Variants in KRT1 observed in about 807,000 individuals in gnomAD.
KRT1 encodes the protein keratin 1.
Under a neutral mutation model 51.6 loss-of-function variants are expected in KRT1, and 28 were observed. The ratio of observed to expected loss-of-function variants is 0.54; its 90% confidence interval spans 0.40 to 0.74. The LOEUF is 0.74. Among genes scored for constraint, KRT1 ranks in the 30% least tolerant of loss-of-function variants. The pLI, the probability that KRT1 is intolerant of heterozygous loss-of-function variation, is 0.00. For missense variants in KRT1, 783 were observed against 815.5 expected, an observed-to-expected ratio of 0.96 and a Z score of 0.49; for synonymous variants, 301 against 307.7, an observed-to-expected ratio of 0.98 and a Z score of 0.23.
In KRT1 at chr12:52,678,752, C is replaced by G. The variant is rs755344168; in HGVS notation, c.596G>C (p.Arg199Thr). 1 of 1,613,780 alleles carries G rather than the reference C, an allele frequency of 6.2e-7. No individual in the cohort carries two copies. Among genetic ancestry groups the G allele is most frequent in the Non-Finnish European group, 8.5e-7 (1 of 1,179,950 alleles). The stretch of plus-strand genomic sequence containing the variant: ...TACCTGGTTCTGCTGCTCCAGGAAC[C>G]TCACCTAAAAACACAAGACCCCTTT... ...NQFASFIDKV[R>T]FLEQQNQVLQ... The change falls in exon 2 of 9, where the codon AGG becomes ACG. Residue 199 changes from arginine (R) to threonine (T), a missense_variant. Transcript: ENST00000252244.
At chr12:52,678,808 C>G in intron 1 of KRT1, 52 bp from the exon 2 acceptor site, 1 of 1,505,698 alleles carries the variant, frequency 6.6e-7, no homozygotes, top group Non-Finnish European at 9.2e-7. Flanking sequence ...GTCTCATAGC[C>G]ATGGAGAACT....
Position 52,675,307 on chromosome 12 carries a change from C to T in KRT1, c.1821G>A (p.Gly607=). Residue 607 remains glycine, a synonymous_variant, in exon 9 of 9, where the codon GGG becomes GGA. Coordinates refer to ENST00000252244, the MANE Select transcript of KRT1 (RefSeq NM_006121.4). ...GSSGGRGSGG[G]SSGGSIGGRG... ...GGCCTCCTATGGAGCCTCCAGAGCT[C>T]CCGCCGCCAGAGCCCCGGCCGCCAG... is the stretch of plus-strand genomic sequence containing the variant. The T allele has an allele frequency of 2.5e-6, 4 of 1,612,798 alleles. No homozygotes were observed. Among genetic ancestry groups the T allele is most frequent in the South Asian group, 1.1e-5 (1 of 90,788 alleles).
chr12:52,675,061 A>G lies in KRT1; in HGVS notation c.*132T>C, dbSNP rs1941479077. ...GCAGAAAAGAAAGAGCTGGGGGAAT[A>G]GGATGAGCTAGTGTAACTAACCATA... is the stretch of plus-strand genomic sequence containing the variant. On this transcript the variant is annotated 3_prime_UTR_variant, in exon 9 of 9. Transcript: ENST00000252244. 1 of 1,151,226 alleles carries G rather than the reference A, an allele frequency of 8.7e-7. No homozygotes were observed. Among genetic ancestry groups the G allele is most frequent in the South Asian group, 1.2e-5 (1 of 81,088 alleles). The allele number at this position is 1,151,226 out of a possible 1,614,324, so 71.3% of individuals were successfully genotyped here.
chr12:52,678,318 T>C, intron 2 of KRT1, 95 bp from the exon 3 acceptor site: 1 of 1,278,650 alleles, frequency 7.8e-7, no homozygotes, highest in Admixed American at 1.8e-5. Flanking sequence ...TCACTGCCTT[T>C]CTATTATGAA....
At position 52,680,033 on chromosome 12, in the gene KRT1, C is replaced by A; in HGVS notation, c.316G>T (p.Gly106Cys). The change falls in exon 1 of 9, where the codon GGT (glycine) becomes TGT (cysteine). Residue 106 changes from glycine to cysteine, a missense_variant. Gly to Cys is a radical substitution (Grantham distance 159). Coordinates refer to ENST00000252244, the MANE Select transcript of KRT1 (RefSeq NM_006121.4). Reference protein sequence around the residue: ...GGGFGGGGFGGGGFGGGGIGG... With the variant: ...GGGFGGGGFGCGGFGGGGIGG... ...ATGCCACCTCCACCAAAGCCACCAC[C>A]ACCAAAGCCACCACCACCAAAGCCA... The A allele has an allele frequency of 6.4e-7, 1 of 1,557,612 alleles. No individual in the cohort carries two copies. Among genetic ancestry groups the A allele is most frequent in the South Asian group, 1.2e-5 (1 of 85,352 alleles).
At position 52,677,738 on chromosome 12, in the gene KRT1, T is replaced by A. The variant is rs1351416321; in HGVS notation, c.875A>T (p.Asp292Val). The change falls in exon 4 of 9, where the codon GAT (aspartate) becomes GTT (valine). Residue 292 changes from aspartate to valine, a missense_variant. Physicochemically the swap from Asp to Val is radical, Grantham distance 152. Transcript: ENST00000252244. ...GTCCACCTTGGTCATATAAGCACCA[T>A]CCACATCCTAGAGGAACAAGGGACA... ...NEFVTIKKDV[D>V]GAYMTKVDLQ... 1 of 1,614,008 alleles carries A rather than the reference T, an allele frequency of 6.2e-7. No homozygotes were observed. Among genetic ancestry groups the A allele is most frequent in the Non-Finnish European group, 8.5e-7 (1 of 1,179,932 alleles).
Position 52,675,627 on chromosome 12 carries a change from G to A in KRT1, c.1511-10C>T, listed in dbSNP as rs561592908. On this transcript the variant is annotated splice_polypyrimidine_tract_variant and intron_variant, in intron 8 of 8. Coordinates refer to ENST00000252244, the MANE Select transcript of KRT1 (RefSeq NM_006121.4). ...TGGCTTGTGCTCACAGCTGCAAGAGGAAGCTCAGTTATTTTCAACCTCAAC... is the reference window on the plus strand; with the variant it reads ...TGGCTTGTGCTCACAGCTGCAAGAGAAAGCTCAGTTATTTTCAACCTCAAC... 2 of 1,614,176 alleles carry A rather than the reference G, an allele frequency of 1.2e-6. No individual in the cohort carries two copies. Among genetic ancestry groups the A allele is most frequent in the South Asian group, 2.2e-5 (2 of 91,082 alleles).
At chr12:52,677,863 G>C in intron 3 of KRT1, 118 bp from the exon 4 acceptor site, 1 of 884,864 alleles carries the variant, frequency 1.1e-6, no homozygotes, top group African/African-American at 1.6e-5. Context: ...ACTCCTTTTT[G>C]CCCCAGGTAA....
Position 52,675,240 on chromosome 12 carries a change from A to T in KRT1, c.1888T>A (p.Ser630Thr). ...GTGGTAGAAACAAACTTCACGCTGG[A>T]ACTGCCACCAGAGGACTTGACACCC... is the stretch of plus-strand genomic sequence containing the variant. ...SGGVKSSGGS[S>T]SVKFVSTTYS... Residue 630 changes from serine to threonine, a missense_variant, in exon 9 of 9, where the codon TCC becomes ACC. By Grantham distance (58) the Ser-to-Thr change is moderately conservative. Transcript: ENST00000252244. 1 of 1,613,920 alleles carries T rather than the reference A, an allele frequency of 6.2e-7. No individual in the cohort carries two copies. Among genetic ancestry groups the T allele is most frequent in the Admixed American group, 1.7e-5 (1 of 60,032 alleles).
intron 7 of KRT1, 98 bp from the exon 8 acceptor site, chr12:52,675,842 G>T: frequency 7.2e-7 from 1 of 1,391,092 alleles, no homozygotes; most frequent in Non-Finnish European, 1.0e-6. Flanking sequence ...CCCCATCTGG[G>T]TCTTCTCCAA....
intron 1 of KRT1, 128 bp from the exon 2 acceptor site, chr12:52,678,884 T>C (rs1436192773): frequency 8.1e-6 from 7 of 867,034 alleles, no homozygotes; most frequent in South Asian, 7.2e-5. Context: ...AGGAAGAAGA[T>C]GATCAAGTTA....
intron 1 of KRT1, among the ~76,000 whole-genome samples, chr12:52,679,306 T>G (rs1337860300): frequency 6.6e-6 from 1 of 152,194 alleles, no homozygotes; most frequent in Non-Finnish European, 1.5e-5. Context: ...AGCTCCCCTC[T>G]GACAGCAAAA....
chr12:52,675,999 T>G (rs1941497550), intron 7 of KRT1, among the ~76,000 whole-genome samples: 1 of 152,182 alleles, frequency 6.6e-6, no homozygotes, highest in South Asian at 2.1e-4. Flanking sequence ...AGATGCCGAC[T>G]TTAGGCCAGC....
At position 52,675,164 on chromosome 12, in the gene KRT1, C is replaced by G. The variant is rs751354477; in HGVS notation, c.*29G>C. On this transcript the variant is annotated 3_prime_UTR_variant, in exon 9 of 9. Coordinates refer to ENST00000252244, the MANE Select transcript of KRT1 (RefSeq NM_006121.4). ...ATTTGTTAGTGATGCTGGGGGAGAA[C>G]TAGAGCTAATGAAACAGAGGGCATC... is the stretch of plus-strand genomic sequence containing the variant. 3.1e-6 allele frequency: 5 copies of G among 1,612,260 alleles called. No homozygotes were observed. Among genetic ancestry groups the G allele is most frequent in the Admixed American group, 1.7e-5 (1 of 60,024 alleles).
At position 52,680,330 on chromosome 12, in the gene KRT1, AACTAAACTGTCG is replaced by A. The variant is rs753562993; in HGVS notation, c.7_18del (p.Arg3_Ser6del). The A allele has an allele frequency of 1.9e-5, 30 of 1,614,150 alleles. No homozygotes were observed. In the East Asian group the frequency reaches 6.5e-4, roughly 35 times the overall value. ...CCTCCACTTCGGTACCCAGACCTGG[AACTAAACTGTCG>A]ACTCATGTTGACTTAGAGAAAAGTA... On this transcript the variant is annotated inframe_deletion, in exon 1 of 9. Transcript: ENST00000252244.
At chr12:52,675,774 G>T in intron 7 of KRT1, 30 bp from the exon 8 acceptor site, 1 of 1,613,222 alleles carries the variant, frequency 6.2e-7, no homozygotes, top group South Asian at 1.1e-5. Flanking sequence ...AATTCCTCAG[G>T]ACACTCCAGC....
chr12:52,677,471 G>C lies in KRT1; in HGVS notation c.973C>G (p.Gln325Glu). Residue 325 changes from glutamine (Q) to glutamate (E), a missense_variant, in exon 5 of 9, where the codon CAG becomes GAG. Gln to Glu is a conservative substitution (Grantham distance 29). Transcript: ENST00000252244. ...GTTTCACTGATTTGAGTCTGCATCT[G>C]AGACAACTCCTGCAAGACATAATAG... Reference protein sequence around the residue: ...LTALYQAELSQMQTQISETNV... With the variant: ...LTALYQAELSEMQTQISETNV... 1 of 1,614,228 alleles carries C rather than the reference G, an allele frequency of 6.2e-7. No individual in the cohort carries two copies. Among genetic ancestry groups the C allele is most frequent in the East Asian group, 2.2e-5 (1 of 44,892 alleles).
rs1201059433 is a variant in KRT1 at position 52,675,595 on chromosome 12, G to A, written c.1533C>T (p.Thr511=). The change falls in exon 9 of 9, where the codon ACC becomes ACT. Residue 511 remains threonine (T), a synonymous_variant. Coordinates refer to ENST00000252244, the MANE Select transcript of KRT1 (RefSeq NM_006121.4). ...VSVSVSTSHT[T]ISGGGSRGGG... ...CTCCTCGGCTGCCACCTCCACTGAT[G>A]GTGGTGTGGCTTGTGCTCACAGCTG... 6.2e-7 allele frequency: 1 copy of A among 1,614,198 alleles called. No homozygotes were observed. The highest frequency in any genetic ancestry group is 8.5e-7 in the Non-Finnish European group (1 of 1,180,042).
rs1941478599 is a variant in KRT1, at chr12:52,675,014, C to G, written c.*179G>C. 1 of 895,222 alleles carries G rather than the reference C, an allele frequency of 1.1e-6. No individual in the cohort carries two copies. The highest frequency in any genetic ancestry group is 1.4e-5 in the South Asian group (1 of 70,298). 55.5% of individuals were successfully genotyped at this position (895,222 alleles called of 1,614,324 possible). On this transcript the variant is annotated 3_prime_UTR_variant, in exon 9 of 9. Coordinates refer to ENST00000252244, the MANE Select transcript of KRT1 (RefSeq NM_006121.4). The stretch of plus-strand genomic sequence containing the variant: ...CCAGGGGACTGAGATTGCCACTGAT[C>G]TGAAAACTTCATTGGGAAACAGCAG...
Sources: allele counts gnomAD v4.1 joint callset (sites outside exome capture counted in the v4.1 genomes callset), GRCh38; gene constraint gnomAD v4.1.1; transcripts MANE v1.5; gene names NCBI Gene and HGNC (gene_info 2026-07-23, HGNC 2026-07-21).